Variants in MED23 observed in about 807,000 individuals in gnomAD.
MED23 encodes the protein mediator of RNA polymerase II transcription subunit 23.
MED23 carries 105 observed loss-of-function variants against 163.9 expected under a neutral mutation model. That is an observed-to-expected ratio of 0.64 (90% CI 0.55 to 0.75). The LOEUF is 0.75. Ranked by LOEUF, MED23 falls within the 30% of genes least tolerant of loss-of-function variation. The probability of loss-of-function intolerance (pLI) is 0.00; values close to 1 mark genes in which losing one functional copy is unlikely to be tolerated. For synonymous variants in MED23, 561 were observed against 565.6 expected (o/e 0.99, Z 0.12); for missense variants, 1,054 against 1,649.0 (o/e 0.64, Z 6.25).
At chr6:131,580,276 C>T (rs1390613463) in intron 30 of MED23, among the ~76,000 whole-genome samples, 2 of 152,228 alleles carry the variant, frequency 1.3e-5, no homozygotes, top group South Asian at 2.1e-4. Context: ...GAAACTGAGG[C>T]TCGCTTTCTT....
rs756260171 is a variant in MED23 at position 131,605,474 on chromosome 6, T to A, written c.1379A>T (p.Gln460Leu). 1 of 1,588,756 alleles carries A rather than the reference T, an allele frequency of 6.3e-7. No individual in the cohort carries two copies. Residue 460 changes from glutamine (Q) to leucine (L), a missense_variant, in exon 14 of 29, where the codon CAG (glutamine) becomes CTG (leucine). Gln to Leu is a moderately radical substitution (Grantham distance 113, BLOSUM62 -2). This residue lies in a region of MED23 where 39 missense variants were observed against 50.5 expected (regional missense o/e 0.77). Coordinates refer to ENST00000368068, the MANE Select transcript of MED23 (RefSeq NM_004830.4). ...SLRLHHEFLQ[Q>L]SLRNKSLQMN... ...CTGTAAACTTTTATTTCTTAGACTCTGCTGCAGGAACCTAAATATTCACGT... is the reference window on the plus strand; with the variant it reads ...CTGTAAACTTTTATTTCTTAGACTCAGCTGCAGGAACCTAAATATTCACGT...
chr6:131,598,376 C>T lies in MED23; in HGVS notation c.2518G>A (p.Gly840Ser). The change falls in exon 20 of 29, where the codon GGT becomes AGT. Residue 840 changes from glycine (G) to serine (S), a missense_variant. By Grantham distance (56) the Gly-to-Ser change is moderately conservative. This residue lies in a region of MED23 where 228 missense variants were observed against 461.3 expected (regional missense o/e 0.49). Coordinates refer to ENST00000368068, the MANE Select transcript of MED23 (RefSeq NM_004830.4). The surrounding 1 kb of genome is among the most constrained non-coding windows in gnomAD (Gnocchi z 4.7). ...LVYEFSTSAG[G>S]QQLNKCIEIL... ...TCAATGCATTTATTGAGTTGCTGACCCCCTGCTGATGTAGAAAACTCATAT... is the reference window on the plus strand; with the variant it reads ...TCAATGCATTTATTGAGTTGCTGACTCCCTGCTGATGTAGAAAACTCATAT... The T allele has an allele frequency of 6.2e-7, 1 of 1,614,058 alleles. No individual in the cohort carries two copies. The highest frequency in any genetic ancestry group is 1.6e-4 in the Middle Eastern group (1 of 6,062).
In MED23 at chr6:131,581,204, T is replaced by C. The variant is rs985914059; in HGVS notation, c.4095+6505A>G. ...CTGCAAACCTGATGTTCACACAAAATTTTTTCCCCAAAAGTTTGGCAATTG... is the reference window on the plus strand; with the variant it reads ...CTGCAAACCTGATGTTCACACAAAACTTTTTCCCCAAAAGTTTGGCAATTG... On this transcript the variant is annotated intron_variant, in intron 30 of 30. Transcript: ENST00000354577. The C allele has an allele frequency of 3.1e-6, 5 of 1,613,422 alleles. No individual in the cohort carries two copies. Among genetic ancestry groups the C allele is most frequent in the African/African-American group, 1.3e-5 (1 of 74,910 alleles).
chr6:131,623,648 T>C (rs75765679), intron 4 of MED23, among the ~76,000 whole-genome samples, 186 bp from the exon 5 acceptor site: 1 of 152,180 alleles, frequency 6.6e-6, no homozygotes, highest in Non-Finnish European at 1.5e-5. Context: ...ACTGTTCTCA[T>C]GATAGTGAGT....
At chr6:131,613,548 C>G (rs1463178547) in intron 10 of MED23, among the ~76,000 whole-genome samples, 2 of 152,042 alleles carry the variant, frequency 1.3e-5, no homozygotes, top group Non-Finnish European at 2.9e-5. Context: ...TAATCATATG[C>G]TTCTTATACT....
Position 131,593,103 on chromosome 6 carries a change from C to T in MED23, c.3301G>A (p.Ala1101Thr), listed in dbSNP as rs761171497. The T allele has an allele frequency of 1.9e-6, 3 of 1,614,078 alleles. No individual in the cohort carries two copies. The highest frequency in any genetic ancestry group is 1.7e-6 in the Non-Finnish European group (2 of 1,180,038). The change falls in exon 24 of 29, where the codon GCT becomes ACT. Residue 1101 changes from alanine (A) to threonine (T), a missense_variant. Physicochemically the swap from Ala to Thr is moderately conservative, Grantham distance 58 (BLOSUM62 0). This residue lies in a region of MED23 where 362 missense variants were observed against 471.6 expected (regional missense o/e 0.77). Coordinates refer to ENST00000368068, the MANE Select transcript of MED23 (RefSeq NM_004830.4). Reference protein sequence around the residue: ...DWRFNEFPNPAAHALHVTCVE... With the variant: ...DWRFNEFPNPTAHALHVTCVE... ...CAAGTAACATGGAGAGCATGGGCAG[C>T]TGGGTTGGGAAACTCATTGAATCTC...
chr6:131,589,365 C>A (rs971766471), intron 28 of MED23, 100 bp downstream of exon 28: 75 of 1,203,910 alleles, frequency 6.2e-5, no homozygotes, highest in Non-Finnish European at 8.2e-5. Flanking sequence ...AAAAATTAGA[C>A]AAAATAAAAA....
At chr6:131,622,081 C>T in intron 5 of MED23, 102 bp from the exon 6 acceptor site, 1 of 766,378 alleles carries the variant, frequency 1.3e-6, no homozygotes, top group Non-Finnish European at 2.2e-6. Flanking sequence ...AAGGTCACAC[C>T]TTTAAATTTT....
chr6:131,609,442 T>A (rs1776098326), intron 11 of MED23, among the ~76,000 whole-genome samples: 1 of 151,668 alleles, frequency 6.6e-6, no homozygotes. Flanking sequence ...TATTTGTCCT[T>A]CAAGTGTTAG....
chr6:131,592,107 A>C, intron 25 of MED23: 1 of 459,538 alleles, frequency 2.2e-6, no homozygotes, highest in Non-Finnish European at 3.9e-6. Context: ...AGATCAAGCT[A>C]TTATGTAAAA....
Position 131,620,664 on chromosome 6 carries a change from G to C in MED23, c.561C>G (p.Ile187Met). The change falls in exon 7 of 29, where the codon ATC becomes ATG. Residue 187 changes from isoleucine (I) to methionine (M), a missense_variant. Around this residue, in one of 11 missense-constraint regions of MED23, gnomAD observed 227 missense variants for 235.5 expected, o/e 0.96. Coordinates refer to ENST00000368068, the MANE Select transcript of MED23 (RefSeq NM_004830.4). Reference sequence around the variant, plus strand: ...GTTTGCCTTCAGGATACAGTTTCCTGATCTCAGTGACTGCAAAATAGGCTG... The same window carrying C: ...GTTTGCCTTCAGGATACAGTTTCCTCATCTCAGTGACTGCAAAATAGGCTG... ...LLPAYFAVTE[I>M]RKLYPEGKLP... The C allele has an allele frequency of 6.2e-7, 1 of 1,613,074 alleles. No individual in the cohort carries two copies. The highest frequency in any genetic ancestry group is 8.5e-7 in the Non-Finnish European group (1 of 1,179,292).
chr6:131,603,565 A>T (rs76553616), intron 15 of MED23, among the ~76,000 whole-genome samples: 2,661 of 152,262 alleles, frequency 0.017, 83 homozygotes, highest in African/African-American at 0.058. Flanking sequence ...TTTTTAATAC[A>T]AAAAATTGTA....
chr6:131,582,992 C>T (rs991201242), downstream of MED23: 1 of 1,093,450 alleles, frequency 9.1e-7, no homozygotes, highest in African/African-American at 1.6e-5. Context: ...TTTATATTTC[C>T]CTTAAAAGGA....
chr6:131,598,264 C>G lies in MED23; in HGVS notation c.2607+23G>C. 1 of 1,599,440 alleles carries G rather than the reference C, an allele frequency of 6.3e-7. No individual in the cohort carries two copies. The highest frequency in any genetic ancestry group is 8.6e-7 in the Non-Finnish European group (1 of 1,166,718). ...ATACATCTTGATCTAAGAGAATAAG[C>G]TTAGAAATGTATTTATTCTTACCAG... On this transcript the variant is annotated intron_variant, in intron 20 of 28. Transcript: ENST00000368068. This position sits in a 1 kb window ranked among gnomAD's most constrained non-coding sequence, Gnocchi z 4.7.
intron 21 of MED23, 140 bp from the exon 22 acceptor site, chr6:131,596,303 T>G: frequency 1.1e-6 from 1 of 897,360 alleles, no homozygotes; most frequent in Non-Finnish European, 1.8e-6. Flanking sequence ...TTACTTCTTT[T>G]TATAGAAGTC....
At chr6:131,581,363 G>A (rs1398269910) in intron 30 of MED23, 1 of 1,612,946 alleles carries the variant, frequency 6.2e-7, no homozygotes, top group East Asian at 2.2e-5. Flanking sequence ...TCCTCCTGAA[G>A]GAACTAAAAG....
At chr6:131,619,488 T>C (rs1776927276) in intron 8 of MED23, among the ~76,000 whole-genome samples, 1 of 152,214 alleles carries the variant, frequency 6.6e-6, no homozygotes, top group Non-Finnish European at 1.5e-5. Flanking sequence ...TCACGTTCTG[T>C]AGCCACAGAG....
intron 6 of MED23, 42 bp from the exon 7 acceptor site, chr6:131,620,771 A>C (rs1179226470): frequency 2.6e-6 from 3 of 1,140,784 alleles, no homozygotes; most frequent in Non-Finnish European, 4.0e-6. Context: ...GACTAGTCCC[A>C]CATATAAGCC....
chr6:131,578,103 AG>A lies in MED23; in HGVS notation c.4096-3809del, dbSNP rs1773716582. ...GGGCAAGAATTACCTCTAAAGGGGC[AG>A]GATGGAATTTTTCAAACTCATTGAC... On this transcript the variant is annotated intron_variant, in intron 30 of 30. Transcript: ENST00000354577. 2.6e-5 allele frequency among the ~76,000 whole-genome samples: 4 copies of A among 151,914 alleles called. 1 individual carries two copies. In the South Asian group the frequency reaches 8.3e-4, roughly 32 times the overall value.
Sources: allele counts gnomAD v4.1 joint callset (sites outside exome capture counted in the v4.1 genomes callset), GRCh38; gene constraint gnomAD v4.1.1; regional missense constraint gnomAD v4.1.1; non-coding constraint Gnocchi (gnomAD v3.1); transcripts MANE v1.5; gene names NCBI Gene and HGNC (gene_info 2026-07-23, HGNC 2026-07-21).